The following NLRP14 variants were observed in gnomAD, a reference collection of about 807,000 sequenced individuals.
The protein encoded by NLRP14 is NLR family pyrin domain containing 14.
NLRP14 carries 105 observed loss-of-function variants against 94.7 expected under a neutral mutation model. The ratio of observed to expected loss-of-function variants is 1.11; its 90% CI spans 0.95 to 1.30. The LOEUF is 1.30. Ranked by LOEUF, NLRP14 falls within the 50% of genes most tolerant of loss-of-function variation. The pLI is 0.00. For synonymous variants in NLRP14, 508 were observed against 459.9 expected, an observed-to-expected ratio of 1.10 and a Z score of -1.34; for missense variants, 1,362 against 1,254.1, an observed-to-expected ratio of 1.09 and a Z score of -1.30.
rs148159427 is a variant in NLRP14 at position 7,059,956 on chromosome 11, A to C, written c.2696A>C (p.Asn899Thr). ...SEYLSTSLLH[N>T]KSLTHLDLGS... is the part of the protein sequence containing the mutation. ...TATCTGTCAACTTCTCTTCTACACAACAAGAGCCTGACGCATCTGGATCTA... is the reference window on the plus strand; with the variant it reads ...TATCTGTCAACTTCTCTTCTACACACCAAGAGCCTGACGCATCTGGATCTA... The change falls in exon 9 of 12, where the codon AAC becomes ACC. Residue 899 changes from asparagine (N) to threonine (T), a missense_variant. Asn to Thr is a moderately conservative substitution (Grantham distance 65, BLOSUM62 0). Coordinates refer to ENST00000299481, the MANE Select transcript of NLRP14 (RefSeq NM_176822.4). 3 of 1,612,662 alleles carry C rather than the reference A, an allele frequency of 1.9e-6. No homozygotes were observed. The highest frequency in any genetic ancestry group is 2.7e-5 in the African/African-American group (2 of 74,944).
chr11:7,065,294 C>T (rs1852688688), intron 10 of NLRP14, among the ~76,000 whole-genome samples: 1 of 151,964 alleles, frequency 6.6e-6, no homozygotes, highest in African/African-American at 2.4e-5. Flanking sequence ...TAACTTTATT[C>T]CAAAGTGCTT....
chr11:7,074,901 A>G (rs919697959), downstream of NLRP14, among the ~76,000 whole-genome samples: 1 of 152,244 alleles, frequency 6.6e-6, no homozygotes, highest in African/African-American at 2.4e-5. Context: ...TACATTTTAT[A>G]TAAGGTGAAC....
intron 1 of NLRP14, among the ~76,000 whole-genome samples, chr11:7,038,348 A>T (rs1852190658): frequency 6.6e-6 from 1 of 152,244 alleles, no homozygotes; most frequent in Admixed American, 6.5e-5. Context: ...GATCATAAGA[A>T]GATGGAATAA....
chr11:7,029,207 T>C (rs1852056097), intron 1 of NLRP14, among the ~76,000 whole-genome samples: 1 of 152,286 alleles, frequency 6.6e-6, no homozygotes, highest in African/African-American at 2.4e-5. Flanking sequence ...CCTTTATGCT[T>C]GTGGTAGACA....
chr11:7,077,283 C>A, the NLRP14 span, among the ~76,000 whole-genome samples: 1 of 152,236 alleles, frequency 6.6e-6, no homozygotes, highest in African/African-American at 2.4e-5. Context: ...TTCTGGTCTC[C>A]ATCACCAGAG....
chr11:7,047,544 G>A (rs1346286486), intron 5 of NLRP14, among the ~76,000 whole-genome samples: 1 of 151,860 alleles, frequency 6.6e-6, no homozygotes, highest in Non-Finnish European at 1.5e-5. Flanking sequence ...GGGCTGAGGA[G>A]ATCCTCCTGC....
Position 7,059,938 on chromosome 11 carries a change from C to A in NLRP14, c.2678C>A (p.Ser893Ter), listed in dbSNP as rs1852588670. The change falls in exon 9 of 12, where the codon TCA becomes TAA. Residue 893 changes from serine to a stop codon, truncating the protein, a stop_gained. Transcript: ENST00000299481. LOFTEE classifies it high-confidence loss of function. ...HFTSLSSEYL[S>*]TSLLHNKSLT... is the part of the protein sequence containing the mutation. The stretch of plus-strand genomic sequence containing the variant: ...ACTTCACTTAGCAGTGAATATCTGT[C>A]AACTTCTCTTCTACACAACAAGAGC... 6.2e-7 allele frequency: 1 copy of A among 1,612,506 alleles called. No individual in the cohort carries two copies. Among genetic ancestry groups the A allele is most frequent in the Admixed American group, 1.7e-5 (1 of 59,842 alleles).
the NLRP14 span, among the ~76,000 whole-genome samples, chr11:7,086,043 C>A: frequency 6.6e-6 from 1 of 152,176 alleles, no homozygotes; most frequent in Non-Finnish European, 1.5e-5. Context: ...ACTTTCAAAT[C>A]TTTTGGTTAT....
chr11:7,056,926 T>C (rs1332178366), intron 6 of NLRP14, among the ~76,000 whole-genome samples: 1 of 152,032 alleles, frequency 6.6e-6, no homozygotes, highest in Non-Finnish European at 1.5e-5. Flanking sequence ...GAAGCTTCTC[T>C]GTTCCTTCCT....
At chr11:7,041,378 T>C (rs934071219) in intron 3 of NLRP14, among the ~76,000 whole-genome samples, 2 of 152,174 alleles carry the variant, frequency 1.3e-5, no homozygotes, top group Non-Finnish European at 2.9e-5. Flanking sequence ...CCAGTATTAA[T>C]ATATTGGTGT....
At chr11:7,075,881 T>C (rs1383745357), downstream of NLRP14, among the ~76,000 whole-genome samples, 1 of 152,126 alleles carries the variant, frequency 6.6e-6, no homozygotes, top group Non-Finnish European at 1.5e-5. Flanking sequence ...CTCCTGCATG[T>C]CTACCTTATT....
chr11:7,052,558 T>A (rs1476211770), intron 6 of NLRP14, among the ~76,000 whole-genome samples: 17 of 152,010 alleles, frequency 1.1e-4, no homozygotes, highest in Non-Finnish European at 2.5e-4. Flanking sequence ...GCTTGAAACC[T>A]GGGAGGCGGA....
rs887037871 is a variant in NLRP14 at position 7,051,133 on chromosome 11, C to T, written c.2291+1295C>T. ...AGTTGCCAGGATTTCAAATAGGAAA[C>T]CATCTTTCTGGGTCAACTAGTAGGG... On this transcript the variant is annotated intron_variant, in intron 6 of 11. Coordinates refer to ENST00000299481, the MANE Select transcript of NLRP14 (RefSeq NM_176822.4). 5.3e-5 allele frequency among the ~76,000 whole-genome samples: 8 copies of T among 152,278 alleles called. No individual in the cohort carries two copies. The South Asian group carries it at 1.2e-3, about 24-fold the overall frequency.
intron 6 of NLRP14, among the ~76,000 whole-genome samples, chr11:7,055,751 C>T (rs1852507167): frequency 6.6e-6 from 1 of 152,136 alleles, no homozygotes; most frequent in Non-Finnish European, 1.5e-5. Context: ...TCAACAGCAT[C>T]TGTACCATCT....
intron 1 of NLRP14, among the ~76,000 whole-genome samples, chr11:7,037,897 A>G (rs1027643428): frequency 6.6e-6 from 1 of 152,198 alleles, no homozygotes; most frequent in Admixed American, 6.5e-5. Context: ...TTTTTGATGC[A>G]CTTTAACACT....
chr11:7,067,671 T>G (rs1852724999), intron 10 of NLRP14, among the ~76,000 whole-genome samples: 1 of 152,206 alleles, frequency 6.6e-6, no homozygotes, highest in Admixed American at 6.5e-5. Context: ...AACTTGGACA[T>G]ATCTCCTGTG....
chr11:7,035,563 A>G (rs1852149910), intron 1 of NLRP14, among the ~76,000 whole-genome samples: 1 of 152,206 alleles, frequency 6.6e-6, no homozygotes, highest in Admixed American at 6.5e-5. Flanking sequence ...CTAAAATGTC[A>G]GTACTACTGA....
Position 7,062,380 on chromosome 11 carries a change from C to G in NLRP14, c.2852C>G (p.Ser951Cys), listed in dbSNP as rs769134073. 7 of 1,613,050 alleles carry G rather than the reference C, an allele frequency of 4.3e-6. No homozygotes were observed. In the African/African-American group the frequency reaches 9.4e-5, roughly 22 times the overall value. The part of the protein sequence containing the change: ...LTNACCLDLA[S>C]VILNNPNLRS... ...AATGCATGTTGTCTGGATCTGGCTT[C>G]TGTTATTTTGAATAACCCAAACCTG... Residue 951 changes from serine (S) to cysteine (C), a missense_variant, in exon 10 of 12, where the codon TCT becomes TGT. Physicochemically the swap from Ser to Cys is moderately radical, Grantham distance 112 (BLOSUM62 -1). Coordinates refer to ENST00000299481, the MANE Select transcript of NLRP14 (RefSeq NM_176822.4).
At position 7,058,267 on chromosome 11, in the gene NLRP14, C is replaced by T. The variant is rs1479687859; in HGVS notation, c.2463-13C>T. 1 of 1,610,510 alleles carries T rather than the reference C, an allele frequency of 6.2e-7. No individual in the cohort carries two copies. The highest frequency in any genetic ancestry group is 1.3e-5 in the African/African-American group (1 of 74,934). ...GGAATTGACAGATCTCTTCTCATCT[C>T]TTTCTCTTTCAGCTTAGAAAGCTGT... On this transcript the variant is annotated splice_polypyrimidine_tract_variant and intron_variant, in intron 7 of 11. Transcript: ENST00000299481.
Sources: gnomAD v4.1 joint callset for allele counts (sites outside exome capture counted in the v4.1 genomes callset) on GRCh38, gnomAD v4.1.1 for gene constraint, MANE v1.5 for transcripts, NCBI Gene and HGNC (gene_info 2026-07-23, HGNC 2026-07-21) for gene names.